The following CELF5 variants were observed in gnomAD, a reference collection of about 807,000 sequenced individuals.
The protein encoded by CELF5 is CUG-BP and ETR-3 like factor 5.
In CELF5, 6 loss-of-function variants were observed where a neutral mutation model predicts 54.9. The ratio of observed to expected loss-of-function variants is 0.11; its 90% CI spans 0.06 to 0.22. The LOEUF (loss-of-function observed/expected upper bound fraction) is 0.22. Among genes scored for constraint, CELF5 ranks in the 10% least tolerant of loss-of-function variants. The pLI, the probability that CELF5 is intolerant of heterozygous loss-of-function variation, is 1.00. For synonymous variants in CELF5, 271 were observed against 290.9 expected (o/e 0.93, Z 0.70); for missense variants, 401 against 678.6 (o/e 0.59, Z 4.54).
intron 1 of CELF5, among the ~76,000 whole-genome samples, chr19:3,241,193 C>A (rs2079486000): frequency 6.6e-6 from 1 of 151,734 alleles, no homozygotes; most frequent in Non-Finnish European, 1.5e-5. Flanking sequence ...TCCCAAGTAG[C>A]TGGGATTACA....
chr19:3,273,154 T>G (rs2079993212), intron 2 of CELF5, among the ~76,000 whole-genome samples: 1 of 152,100 alleles, frequency 6.6e-6, no homozygotes, highest in African/African-American at 2.4e-5. Flanking sequence ...CACTGCTGAG[T>G]AACAAACTAC....
rs1340187011 is a variant in CELF5, at chr19:3,275,263, G to C, written c.395-593G>C. 3.3e-5 allele frequency among the ~76,000 whole-genome samples: 5 copies of C among 152,194 alleles called. No individual in the cohort carries two copies. ...GTTCCAGCCCAGCCCCACCCAGCAG[G>C]GGGTCCAGCCTGCCAAGGCCCCTGG... On this transcript the variant is annotated intron_variant, in intron 3 of 12. Coordinates refer to ENST00000292672, the MANE Select transcript of CELF5 (RefSeq NM_021938.4). The surrounding 1 kb of genome is among the most constrained non-coding windows in gnomAD (Gnocchi z 6.7).
intron 10 of CELF5, among the ~76,000 whole-genome samples, chr19:3,289,618 G>C (rs1176074945): frequency 4.3e-5 from 6 of 139,818 alleles, no homozygotes; most frequent in Non-Finnish European, 7.6e-5. Context: ...GGAGGCAGAG[G>C]TTGCAGTGAG....
intron 11 of CELF5, 92 bp from the exon 12 acceptor site, chr19:3,293,227 A>G (rs1599494581): frequency 1.3e-6 from 2 of 1,541,040 alleles, no homozygotes; most frequent in African/African-American, 1.4e-5. Context: ...CCTGCTCAGG[A>G]CCCCGTGAGC....
chr19:3,249,588 C>G (rs2079619563), intron 1 of CELF5, among the ~76,000 whole-genome samples: 1 of 152,102 alleles, frequency 6.6e-6, no homozygotes, highest in African/African-American at 2.4e-5. Flanking sequence ...CCTCCCATCC[C>G]TAATGTCATC....
Position 3,268,435 on chromosome 19 carries a change from T to A in CELF5, c.343-5437T>A, listed in dbSNP as rs2079913394. Among the ~76,000 whole-genome samples the A allele has an allele frequency of 6.6e-6, 1 of 152,128 alleles. No individual in the cohort carries two copies. The highest frequency in any genetic ancestry group is 2.1e-4 in the South Asian group (1 of 4,814). ...AAATGAATGAACCATCCTGGGCACG[T>A]CAAGCTGCGAGACTCGGGGCGTCGT... On this transcript the variant is annotated intron_variant, in intron 2 of 12. Coordinates refer to ENST00000292672, the MANE Select transcript of CELF5 (RefSeq NM_021938.4). The surrounding 1 kb of genome is among the most constrained non-coding windows in gnomAD (Gnocchi z 4.4).
chr19:3,281,000 C>T (rs548399739), intron 5 of CELF5, among the ~76,000 whole-genome samples, 199 bp from the exon 6 acceptor site: 2 of 152,300 alleles, frequency 1.3e-5, no homozygotes, highest in South Asian at 2.1e-4. Context: ...TGTGCAGATG[C>T]TGCTGGGCCC....
chr19:3,277,213 C>T (rs1279278684), intron 4 of CELF5, among the ~76,000 whole-genome samples: 1 of 152,168 alleles, frequency 6.6e-6, no homozygotes, highest in African/African-American at 2.4e-5. Context: ...TGGTGGCTCA[C>T]GCCTGTAATC....
rs924438905 is a variant in CELF5, at chr19:3,282,591, C to A, written c.1039+93C>A. The A allele has an allele frequency of 1.4e-6, 2 of 1,419,226 alleles. No individual in the cohort carries two copies. Among genetic ancestry groups the A allele is most frequent in the African/African-American group, 2.8e-5 (2 of 70,436 alleles). The allele number at this position is 1,419,226 out of a possible 1,614,324, so 87.9% of individuals were successfully genotyped here. A position where few individuals can be genotyped will look rare whatever the true frequency, so the allele number is the denominator to read the frequency against. On this transcript the variant is annotated intron_variant, in intron 8 of 12. Coordinates refer to ENST00000292672, the MANE Select transcript of CELF5 (RefSeq NM_021938.4). The surrounding 1 kb of genome is among the most constrained non-coding windows in gnomAD (Gnocchi z 5.2). ...GTATGAGTCCCTACATCACAGTGCC[C>A]AGGGAACAGAAGGGCAGGAAAAAGG...
At chr19:3,258,799 T>C (rs1291125564) in intron 2 of CELF5, among the ~76,000 whole-genome samples, 1 of 151,024 alleles carries the variant, frequency 6.6e-6, no homozygotes, top group African/African-American at 2.4e-5. Flanking sequence ...TTTGCAGAGA[T>C]GGAGTCTTGC....
rs312934 is a variant in CELF5 at position 3,268,724 on chromosome 19, A to G, written c.343-5148A>G. Among the ~76,000 whole-genome samples the G allele has an allele frequency of 0.64, 97,221 of 151,978 alleles. 32,675 individuals carry two copies. The highest frequency in any genetic ancestry group is 0.84 in the East Asian group (4,357 of 5,158). ...CCCTGCCTCCCACCGGAGCTACCCC[A>G]AGTGAGGGGCAGTGTGTGTGTTTAG... On this transcript the variant is annotated intron_variant, in intron 2 of 12. Transcript: ENST00000292672. The surrounding 1 kb of genome is among the most constrained non-coding windows in gnomAD (Gnocchi z 4.4).
intron 1 of CELF5, among the ~76,000 whole-genome samples, chr19:3,233,840 A>T (rs1027097031): frequency 1.3e-5 from 2 of 152,204 alleles, no homozygotes; most frequent in Admixed American, 6.5e-5. Context: ...GACAATGTGG[A>T]TTCTGGGTCC....
At chr19:3,252,728 C>A (rs771328390) in intron 2 of CELF5, among the ~76,000 whole-genome samples, 1 of 151,934 alleles carries the variant, frequency 6.6e-6, no homozygotes, top group African/African-American at 2.4e-5. Context: ...ATAGAGAGCC[C>A]CTCTTTTGGG....
intron 1 of CELF5, among the ~76,000 whole-genome samples, chr19:3,232,953 A>C (rs915646648): frequency 1.3e-5 from 2 of 152,000 alleles, no homozygotes; most frequent in Non-Finnish European, 2.9e-5. Flanking sequence ...GCATGTCTGT[A>C]ATCCCAGCTA....
intron 8 of CELF5, among the ~76,000 whole-genome samples, chr19:3,283,590 G>T (rs2080185891): frequency 6.6e-6 from 1 of 151,690 alleles, no homozygotes; most frequent in South Asian, 2.1e-4. Flanking sequence ...GCTCAAGCAG[G>T]CCTCCCAAAG....
intron 1 of CELF5, among the ~76,000 whole-genome samples, chr19:3,239,538 CTT>C (rs1195566320): frequency 3.5e-5 from 5 of 144,776 alleles, no homozygotes; most frequent in African/African-American, 1.3e-4. Flanking sequence ...GCCCGGCTAA[CTT>C]TTTTTTTTTT....
At chr19:3,251,369 G>T (rs1309820127) in intron 2 of CELF5, among the ~76,000 whole-genome samples, 1 of 152,170 alleles carries the variant, frequency 6.6e-6, no homozygotes, top group Non-Finnish European at 1.5e-5. Flanking sequence ...GGATAAGGAA[G>T]CATTAGCAGG....
intron 1 of CELF5, among the ~76,000 whole-genome samples, chr19:3,226,476 A>ACACACACACACACACG (rs1555715644): frequency 4.0e-5 from 6 of 150,976 alleles, no homozygotes; most frequent in Non-Finnish European, 8.8e-5. Context: ...ACACACACAC[A>ACACACACACACACACG]AAATTGGGCC....
At chr19:3,288,438 C>T (rs535175363) in intron 10 of CELF5, among the ~76,000 whole-genome samples, 1 of 152,250 alleles carries the variant, frequency 6.6e-6, no homozygotes, top group Non-Finnish European at 1.5e-5. Flanking sequence ...AGGAGAATCT[C>T]TTGAACCTGG....
Sources: allele counts gnomAD v4.1 joint callset (sites outside exome capture counted in the v4.1 genomes callset), GRCh38; gene constraint gnomAD v4.1.1; non-coding constraint Gnocchi (gnomAD v3.1); transcripts MANE v1.5; gene names NCBI Gene and HGNC (gene_info 2026-07-23, HGNC 2026-07-21).